MYH3: variants seen among roughly 807,000 people sequenced by gnomAD.
MYH3 encodes the protein myosin heavy chain 3, also known as myosin-3.
MYH3 carries 130 observed loss-of-function variants against 238.0 expected under a neutral mutation model. The ratio of observed to expected loss-of-function variants is 0.55; its 90% confidence interval spans 0.47 to 0.63. The LOEUF (loss-of-function observed/expected upper bound fraction) is 0.63, where lower values mean the gene tolerates loss of function less well. MYH3 is among the 30% of genes least tolerant of loss of function. The pLI is 0.00. For synonymous variants in MYH3, 880 were observed against 924.1 expected (o/e 0.95, Z 0.86); for missense variants, 1,853 against 2,374.9 (o/e 0.78, Z 4.57).
the MYH3 span, among the ~76,000 whole-genome samples, chr17:10,670,557 G>C: frequency 6.6e-6 from 1 of 152,208 alleles, no homozygotes; most frequent in East Asian, 1.9e-4. The surrounding 1 kb of genome is among the most constrained non-coding windows in gnomAD (Gnocchi z 7.0). Context: ...AGTCCTCCTA[G>C]TTCAGCCTCC....
At chr17:10,671,821 C>T in the MYH3 span, among the ~76,000 whole-genome samples, 288 of 152,102 alleles carry the variant, frequency 1.9e-3, 1 homozygote, top group Non-Finnish European at 2.8e-3. Flanking sequence ...CCTTGTGATC[C>T]GCCCGCCTCA....
chr17:10,646,081 C>A (rs745483575), intron 10 of MYH3, 49 bp from the exon 11 acceptor site: 189 of 1,522,534 alleles, frequency 1.2e-4, no homozygotes, highest in Non-Finnish European at 1.6e-4. Flanking sequence ...AAAGAAAAAA[C>A]CCACCCAGTG....
At chr17:10,659,307 C>T (rs1412753086), upstream of MYH3, among the ~76,000 whole-genome samples, 1 of 152,178 alleles carries the variant, frequency 6.6e-6, no homozygotes, top group Non-Finnish European at 1.5e-5. Flanking sequence ...CTCTAAAATG[C>T]TGATGGCTTC....
chr17:10,663,308 G>A, the MYH3 span, among the ~76,000 whole-genome samples: 1 of 152,064 alleles, frequency 6.6e-6, no homozygotes, highest in Non-Finnish European at 1.5e-5. Context: ...AGTGTTGAGG[G>A]GATCAAAAAG....
chr17:10,637,242 T>C (rs558629747), intron 28 of MYH3, among the ~76,000 whole-genome samples: 39 of 152,156 alleles, frequency 2.6e-4, no homozygotes, highest in Non-Finnish European at 4.9e-4. Flanking sequence ...GTATTTTTAA[T>C]AGAGACGGGG....
the MYH3 span, among the ~76,000 whole-genome samples, chr17:10,664,726 G>A: frequency 8.9e-4 from 135 of 152,298 alleles, no homozygotes; most frequent in African/African-American, 3.2e-3. Context: ...GGCGGCTACC[G>A]TCGCAGGCTG....
Position 10,638,245 on chromosome 17 carries a change from C to A in MYH3, c.3527G>T (p.Arg1176Leu), listed in dbSNP as rs143550129. The change falls in exon 27 of 41, where the codon CGC becomes CTC. Residue 1176 changes from arginine to leucine, a missense_variant. Arg to Leu is a moderately radical substitution (Grantham distance 102). This residue lies in a region of MYH3 where 1,044 missense variants were observed against 1,192.6 expected (regional missense o/e 0.88). Coordinates refer to ENST00000583535, the MANE Select transcript of MYH3 (RefSeq NM_002470.4). The stretch of plus-strand genomic sequence containing the variant: ...CAGTGTGGCCTCCTCCAGGTCCCTG[C>A]GCAGCTTCAGGAACTCCGCCTCCCG... ...KKREAEFLKL[R>L]RDLEEATLQH... 112 of 1,613,798 alleles carry A rather than the reference C, an allele frequency of 6.9e-5. No individual in the cohort carries two copies. The highest frequency in any genetic ancestry group is 1.5e-4 in the African/African-American group (11 of 74,858).
chr17:10,671,248 T>G, the MYH3 span, among the ~76,000 whole-genome samples: 6 of 152,152 alleles, frequency 3.9e-5, no homozygotes, highest in Non-Finnish European at 7.3e-5. Flanking sequence ...TTTCCATTAT[T>G]TACTATTTCC....
the MYH3 span, among the ~76,000 whole-genome samples, chr17:10,670,634 G>A: frequency 6.6e-6 from 1 of 152,028 alleles, no homozygotes; most frequent in African/African-American, 2.4e-5. This position sits in a 1 kb window ranked among gnomAD's most constrained non-coding sequence, Gnocchi z 7.0. Context: ...TTACTGCAAA[G>A]TTAATATATG....
chr17:10,650,462 C>G, intron 5 of MYH3, 61 bp from the exon 6 acceptor site: 1 of 1,490,886 alleles, frequency 6.7e-7, no homozygotes, highest in Non-Finnish European at 9.3e-7. Flanking sequence ...CCCGATTCTA[C>G]CCAACTCTCA....
chr17:10,633,718 G>C lies in MYH3; in HGVS notation c.4523-3C>G. 1 of 1,613,870 alleles carries C rather than the reference G, an allele frequency of 6.2e-7. No homozygotes were observed. Among genetic ancestry groups the C allele is most frequent in the Non-Finnish European group, 8.5e-7 (1 of 1,180,008 alleles). ...TTCTGTGAGATCTGCTATCTCCTCTGTAAAGAAGTAAGTTTCAGTTGCATA... is the reference window on the plus strand; with the variant it reads ...TTCTGTGAGATCTGCTATCTCCTCTCTAAAGAAGTAAGTTTCAGTTGCATA... On this transcript the variant is annotated splice_region_variant and splice_polypyrimidine_tract_variant and intron_variant, in intron 32 of 40. Coordinates refer to ENST00000583535, the MANE Select transcript of MYH3 (RefSeq NM_002470.4).
chr17:10,650,451 T>C, intron 5 of MYH3, 50 bp from the exon 6 acceptor site: 2 of 1,545,882 alleles, frequency 1.3e-6, no homozygotes, highest in Non-Finnish European at 8.9e-7. Context: ...AAAAAGAGCT[T>C]CCCGATTCTA....
the MYH3 span, among the ~76,000 whole-genome samples, chr17:10,663,121 T>C: frequency 6.8e-6 from 1 of 146,818 alleles, no homozygotes; most frequent in Non-Finnish European, 1.5e-5. Flanking sequence ...TAAACTGAAA[T>C]AAAATAAAAT....
the MYH3 span, chr17:10,677,186 A>G: frequency 1.3e-5 from 2 of 152,142 alleles, no homozygotes; most frequent in African/African-American, 4.8e-5. Context: ...GGGCGCCTGT[A>G]ATCCCAGCTA....
At position 10,652,516 on chromosome 17, in the gene MYH3, C is replaced by T. The variant is rs147410236; in HGVS notation, c.252G>A (p.Lys84=). ...PEDVYAMNPP[K]FDRIEDMAML... ...TGGCCATGTCTTCGATCCTGTCGAA[C>T]TTGGGGGGGTTCATGGCGTACACAT... Residue 84 remains lysine (K), a synonymous_variant, in exon 4 of 41, where the codon AAG becomes AAA. Transcript: ENST00000583535. The T allele has an allele frequency of 1.3e-3, 2,052 of 1,607,790 alleles. 5 individuals carry two copies. Among genetic ancestry groups the T allele is most frequent in the Non-Finnish European group, 1.6e-3 (1,866 of 1,176,754 alleles).
At chr17:10,644,093 G>C (rs1021688028) in intron 14 of MYH3, among the ~76,000 whole-genome samples, 1 of 151,520 alleles carries the variant, frequency 6.6e-6, no homozygotes, top group Non-Finnish European at 1.5e-5. Flanking sequence ...TCAGGAAGAG[G>C]TTGCAGTGAG....
chr17:10,642,881 C>T lies in MYH3; in HGVS notation c.1526G>A (p.Trp509Ter). ...QEEYKKEGIEWTFIDFGMDLA... is the reference protein window; with the variant it reads ...QEEYKKEGIE ...GTCCATCCCGAAGTCAATGAACGTC[C>T]ACTCGATGCCTTCCTTCTTGTACTC... Residue 509 changes from tryptophan to a stop codon, truncating the protein, a stop_gained, in exon 15 of 41, where the codon TGG (tryptophan) becomes TAG (stop). Transcript: ENST00000583535. LOFTEE classifies it high-confidence loss of function. This position sits in a 1 kb window ranked among gnomAD's most constrained non-coding sequence, Gnocchi z 5.4. 6.2e-7 allele frequency: 1 copy of T among 1,614,192 alleles called. No homozygotes were observed. The highest frequency in any genetic ancestry group is 8.5e-7 in the Non-Finnish European group (1 of 1,180,036).
chr17:10,638,135 G>A lies in MYH3; in HGVS notation c.3637C>T (p.Arg1213Trp), dbSNP rs770230539. The change falls in exon 27 of 41, where the codon CGG (arginine) becomes TGG (tryptophan). Residue 1213 changes from arginine (R) to tryptophan (W), a missense_variant. By Grantham distance (101) the Arg-to-Trp change is moderately radical (BLOSUM62 -3). Around this residue, in one of 3 missense-constraint regions of MYH3, gnomAD observed 1,044 missense variants for 1,192.6 expected, o/e 0.88. Transcript: ENST00000583535. Reference sequence around the variant, plus strand: ...TCCTTCTCCAGCTTCTGCTTGACCCGCTGCAGGTTGTCAATCTGCTCCCCA... The same window carrying A: ...TCCTTCTCCAGCTTCTGCTTGACCCACTGCAGGTTGTCAATCTGCTCCCCA... ...ELGEQIDNLQRVKQKLEKEKS... is the reference protein window; with the variant it reads ...ELGEQIDNLQWVKQKLEKEKS... 1.5e-5 allele frequency: 24 copies of A among 1,613,450 alleles called. No individual in the cohort carries two copies. The highest frequency in any genetic ancestry group is 2.2e-5 in the South Asian group (2 of 91,060).
chr17:10,635,610 G>A (rs1477629200), intron 29 of MYH3, 47 bp from the exon 30 acceptor site: 5 of 1,614,202 alleles, frequency 3.1e-6, no homozygotes, highest in Non-Finnish European at 4.2e-6. Flanking sequence ...TTAGTGCCAG[G>A]TGCATGATAC....
Sources: allele counts gnomAD v4.1 joint callset (sites outside exome capture counted in the v4.1 genomes callset), GRCh38; gene constraint gnomAD v4.1.1; regional missense constraint gnomAD v4.1.1; non-coding constraint Gnocchi (gnomAD v3.1); transcripts MANE v1.5; gene names NCBI Gene and HGNC (gene_info 2026-07-23, HGNC 2026-07-21).